The following SRSF11 variants were observed in gnomAD, a reference collection of about 807,000 sequenced individuals.
SRSF11 encodes serine/arginine-rich splicing factor 11.
Under a neutral mutation model 56.0 loss-of-function variants are expected in SRSF11, and 9 were observed. The observed-to-expected ratio is 0.16, with a 90% CI of 0.10 to 0.28. The LOEUF (loss-of-function observed/expected upper bound fraction) is 0.28, where lower values mean the gene tolerates loss of function less well. Ranked by LOEUF, SRSF11 falls within the 10% of genes least tolerant of loss-of-function variation. SRSF11 has a pLI of 1.00. For missense variants in SRSF11, 421 were observed against 600.7 expected, an observed-to-expected ratio of 0.70 and a Z score of 3.13; for synonymous variants, 222 against 215.3, an observed-to-expected ratio of 1.03 and a Z score of -0.27.
At chr1:70,215,585 G>A (rs1190095257) in intron 1 of SRSF11, among the ~76,000 whole-genome samples, 2 of 152,112 alleles carry the variant, frequency 1.3e-5, no homozygotes, top group Non-Finnish European at 2.9e-5. Context: ...TATTTGCTTG[G>A]GGGTGGAGGG....
intron 5 of SRSF11, among the ~76,000 whole-genome samples, chr1:70,237,107 A>C (rs1165813332): frequency 6.6e-6 from 1 of 152,108 alleles, no homozygotes; most frequent in Non-Finnish European, 1.5e-5. Context: ...AATTTATATG[A>C]ATAAAAGTTC....
upstream of SRSF11, among the ~76,000 whole-genome samples, chr1:70,219,267 C>T (rs1159662357): frequency 6.6e-6 from 1 of 152,108 alleles, no homozygotes; most frequent in Non-Finnish European, 1.5e-5. Flanking sequence ...ACAGTTGTAC[C>T]AGTCCTGAGG....
At chr1:70,227,630 A>T (rs1220620900) in intron 1 of SRSF11, among the ~76,000 whole-genome samples, 2 of 152,184 alleles carry the variant, frequency 1.3e-5, no homozygotes, top group African/African-American at 4.8e-5. Context: ...TCAAGGCAGA[A>T]ATTTGAGCTA....
chr1:70,238,901 G>C (rs565365969), intron 6 of SRSF11, among the ~76,000 whole-genome samples: 15 of 152,276 alleles, frequency 9.9e-5, no homozygotes, highest in African/African-American at 3.6e-4. Context: ...CTGAGAATTA[G>C]AAGTCTAATT....
chr1:70,224,155 C>A (rs1671248508), intron 1 of SRSF11, among the ~76,000 whole-genome samples: 1 of 152,118 alleles, frequency 6.6e-6, no homozygotes, highest in Non-Finnish European at 1.5e-5. Context: ...TTTCCTCCAC[C>A]TCTTCCCCCT....
chr1:70,231,497 A>G (rs1672836004), intron 2 of SRSF11: 1 of 1,061,630 alleles, frequency 9.4e-7, no homozygotes. Flanking sequence ...TTCAACTGGC[A>G]CTGTATGGCA....
chr1:70,234,596 A>G, intron 3 of SRSF11, 100 bp from the exon 4 acceptor site: 5 of 891,118 alleles, frequency 5.6e-6, no homozygotes, highest in Non-Finnish European at 8.5e-6. Flanking sequence ...TAGCCTGAAA[A>G]CTCAAGTTGT....
At chr1:70,228,597 G>T in intron 2 of SRSF11, 42 bp downstream of exon 2, 1 of 1,594,004 alleles carries the variant, frequency 6.3e-7, no homozygotes, top group South Asian at 1.1e-5. Context: ...ATCCTAAGAT[G>T]ACCATCTACC....
chr1:70,215,935 C>T (rs543379546), intron 1 of SRSF11, among the ~76,000 whole-genome samples: 2 of 152,276 alleles, frequency 1.3e-5, no homozygotes, highest in South Asian at 2.1e-4. Context: ...TACAGGCATG[C>T]GCCACCACGC....
chr1:70,227,835 C>T (rs1050973592), intron 1 of SRSF11, among the ~76,000 whole-genome samples: 3 of 152,168 alleles, frequency 2.0e-5, no homozygotes, highest in African/African-American at 7.2e-5. Flanking sequence ...TGTGTGCCTA[C>T]ATTTTTTCTT....
At chr1:70,247,280 T>TA (rs1676973724) in intron 9 of SRSF11, 1 of 199,506 alleles carries the variant, frequency 5.0e-6, no homozygotes, top group African/African-American at 2.4e-5. Flanking sequence ...CTATCCCTTT[T>TA]AATGACTGTT....
At chr1:70,242,038 G>A (rs1032376204) in intron 7 of SRSF11, among the ~76,000 whole-genome samples, 16 of 152,108 alleles carry the variant, frequency 1.1e-4, no homozygotes, top group Non-Finnish European at 2.1e-4. Flanking sequence ...GTGGTGGCGC[G>A]CGCAGCTGTA....
At chr1:70,218,250 G>A (rs1377999699), upstream of SRSF11, among the ~76,000 whole-genome samples, 2 of 152,354 alleles carry the variant, frequency 1.3e-5, no homozygotes, top group Non-Finnish European at 2.9e-5. Flanking sequence ...TTACAGGCAT[G>A]AGCCACTGTA....
At chr1:70,213,551 A>G (rs1359778399) in intron 1 of SRSF11, among the ~76,000 whole-genome samples, 1 of 152,168 alleles carries the variant, frequency 6.6e-6, no homozygotes, top group Admixed American at 6.5e-5. Context: ...GTGGAAATAC[A>G]GGCTTTGGAG....
At position 70,251,706 on chromosome 1, in the gene SRSF11, G is replaced by T. The variant is rs1677977487; in HGVS notation, c.*901G>T. The T allele has an allele frequency of 1.3e-5, 2 of 152,508 alleles. No homozygotes were observed. The highest frequency in any genetic ancestry group is 4.8e-5 in the African/African-American group (2 of 41,420). 9.4% of individuals were successfully genotyped at this position (152,508 alleles called of 1,614,324 possible). On this transcript the variant is annotated 3_prime_UTR_variant, in exon 12 of 12. Transcript: ENST00000370949. ...CTCCGTGTTGGAAAAAAGGGGTAGT[G>T]CATTTTAAATTGACCTTCATACGCT...
At chr1:70,213,102 A>G (rs1669713922) in intron 1 of SRSF11, among the ~76,000 whole-genome samples, 1 of 152,110 alleles carries the variant, frequency 6.6e-6, no homozygotes, top group African/African-American at 2.4e-5. Context: ...GTTTTTTCCG[A>G]CTTTCTTGTA....
At chr1:70,222,453 T>A (rs139937251) in intron 1 of SRSF11, among the ~76,000 whole-genome samples, 469 of 152,358 alleles carry the variant, frequency 3.1e-3, no homozygotes, top group East Asian at 0.011. Flanking sequence ...TATTTCACAG[T>A]TGTTCTTGAG....
chr1:70,218,089 C>T (rs1670183867), upstream of SRSF11, among the ~76,000 whole-genome samples: 4 of 152,044 alleles, frequency 2.6e-5, no homozygotes, highest in Admixed American at 6.6e-5. Context: ...CTCAGCCTCC[C>T]GAGTAGCTGG....
chr1:70,249,820 A>G (rs1422823933), intron 9 of SRSF11, 132 bp from the exon 10 acceptor site: 7 of 912,758 alleles, frequency 7.7e-6, no homozygotes, highest in Non-Finnish European at 1.2e-5. Flanking sequence ...TCAGCCTGCC[A>G]AAGTGCTGGG....
Sources: allele counts gnomAD v4.1 joint callset (sites outside exome capture counted in the v4.1 genomes callset), GRCh38; gene constraint gnomAD v4.1.1; transcripts MANE v1.5; gene names NCBI Gene and HGNC (gene_info 2026-07-23, HGNC 2026-07-21).